NOSTRIN: variants seen among roughly 807,000 people sequenced by gnomAD.
NOSTRIN encodes the protein nitric oxide synthase trafficking, also known as BM247 homolog.
NOSTRIN carries 63 observed loss-of-function variants against 59.0 expected under a neutral mutation model. That is an observed-to-expected ratio of 1.07 (90% CI 0.87 to 1.32). The LOEUF (loss-of-function observed/expected upper bound fraction) is 1.32. NOSTRIN is among the 40% of genes most tolerant of loss of function. The pLI, the probability that NOSTRIN is intolerant of heterozygous loss-of-function variation, is 0.00. For missense variants in NOSTRIN, 512 were observed against 473.1 expected (o/e 1.08, Z -0.76); for synonymous variants, 200 against 165.4 (o/e 1.21, Z -1.61).
intron 6 of NOSTRIN, among the ~76,000 whole-genome samples, chr2:168,832,722 T>A (rs750889779): frequency 6.6e-6 from 1 of 152,238 alleles, no homozygotes; most frequent in Non-Finnish European, 1.5e-5. Flanking sequence ...AGAAACAGTA[T>A]CCAGTCATTT....
chr2:168,811,020 G>T (rs1320708434), intron 1 of NOSTRIN, among the ~76,000 whole-genome samples: 1 of 152,162 alleles, frequency 6.6e-6, no homozygotes, highest in East Asian at 1.9e-4. Context: ...TAACCAAAAT[G>T]TTCAACTCAT....
chr2:168,831,093 A>C (rs1397735446), intron 5 of NOSTRIN, among the ~76,000 whole-genome samples: 3 of 152,198 alleles, frequency 2.0e-5, no homozygotes, highest in African/African-American at 7.2e-5. Flanking sequence ...AAAGTACCAT[A>C]AACTGGATAG....
intron 6 of NOSTRIN, among the ~76,000 whole-genome samples, chr2:168,831,941 C>T (rs1687385636): frequency 6.6e-6 from 1 of 152,166 alleles, no homozygotes; most frequent in Non-Finnish European, 1.5e-5. Context: ...TGCTCTTAAT[C>T]ATTCCATTAT....
In NOSTRIN at chr2:168,865,181, T is replaced by A; in HGVS notation, c.*211T>A. 1.8e-6 allele frequency: 1 copy of A among 570,876 alleles called. No homozygotes were observed. The highest frequency in any genetic ancestry group is 2.2e-5 in the South Asian group (1 of 44,568). The allele number at this position is 570,876 out of a possible 1,614,324, so 35.4% of individuals were successfully genotyped here. A position where few individuals can be genotyped will look rare whatever the true frequency, so the allele number is the denominator to read the frequency against. ...GGAGACAGACAAGGAAGAGGCTCCT[T>A]GGTTCCTAGAGGAGTTTCCAAATTC... On this transcript the variant is annotated 3_prime_UTR_variant, in exon 16 of 16. Transcript: ENST00000317647.
In NOSTRIN at chr2:168,821,852, G is replaced by A. The variant is rs964050404; in HGVS notation, c.114-2782G>A. 5.3e-5 allele frequency among the ~76,000 whole-genome samples: 8 copies of A among 152,252 alleles called. No homozygotes were observed. In the South Asian group the frequency reaches 1.0e-3, roughly 20 times the overall value. On this transcript the variant is annotated intron_variant, in intron 2 of 15. Coordinates refer to ENST00000317647, the MANE Select transcript of NOSTRIN (RefSeq NM_001039724.4). ...GTGGTGCCTGGCAGGAAGGGAAATC[G>A]GAGAGGCTGCCGGAGTCAGATCATG...
rs756381301 is a variant in NOSTRIN, at chr2:168,834,507, G to GCGCGCACACACACA, written c.504+183_504+184insGCGCACACACACAC. ...TACTGGCGTGCGCGCGCGCGCGCGC[G>GCGCGCACACACACA]CACACACACACACACACACACACAC... On this transcript the variant is annotated intron_variant, in intron 7 of 15. Transcript: ENST00000317647. Among the ~76,000 whole-genome samples, 744 of 125,358 alleles carry GCGCGCACACACACA rather than the reference G, an allele frequency of 5.9e-3. 1 individual carries two copies. The highest frequency in any genetic ancestry group is 8.1e-3 in the East Asian group (34 of 4,202). 82.2% of individuals were successfully genotyped at this position (125,358 alleles called of 152,430 possible). A position where few individuals can be genotyped will look rare whatever the true frequency, so the allele number is the denominator to read the frequency against.
intron 6 of NOSTRIN, among the ~76,000 whole-genome samples, chr2:168,833,047 C>T (rs547446086): frequency 1.3e-5 from 2 of 152,280 alleles, no homozygotes; most frequent in Admixed American, 6.5e-5. Flanking sequence ...GAAAAAACAT[C>T]TTTTATCATT....
At chr2:168,834,530 CACACACACACA>C in intron 7 of NOSTRIN, among the ~76,000 whole-genome samples, 1 of 151,132 alleles carries the variant, frequency 6.6e-6, no homozygotes, top group East Asian at 2.0e-4. Flanking sequence ...CACACACACA[CACACACACACA>C]CCACATACAT....
intron 8 of NOSTRIN, among the ~76,000 whole-genome samples, chr2:168,845,783 TTTC>T (rs1359412327): frequency 9.7e-6 from 1 of 102,720 alleles, no homozygotes; most frequent in Admixed American, 9.9e-5. Context: ...TTTTAGTTTT[TTTC>T]TTCCTTTTTT....
chr2:168,844,749 T>A (rs1688308017), intron 8 of NOSTRIN, among the ~76,000 whole-genome samples: 1 of 152,022 alleles, frequency 6.6e-6, no homozygotes, highest in Admixed American at 6.6e-5. Context: ...GGGCGCCTGT[T>A]GTCCCAGCTA....
rs946020503 is a variant in NOSTRIN at position 168,856,732 on chromosome 2, T to A, written c.1007T>A (p.Phe336Tyr). The change falls in exon 12 of 16, where the codon TTC becomes TAC. Residue 336 changes from phenylalanine to tyrosine, a missense_variant. Coordinates refer to ENST00000317647, the MANE Select transcript of NOSTRIN (RefSeq NM_001039724.4). ...MLKTYSSTSS[F>Y]SDAKSQKDTA... ...AAAACGTACTCCAGCACCTCCTCCTTCTCTGATGCAAAGAGCCAGAAAGAC... is the reference window on the plus strand; with the variant it reads ...AAAACGTACTCCAGCACCTCCTCCTACTCTGATGCAAAGAGCCAGAAAGAC... 5.0e-6 allele frequency: 8 copies of A among 1,614,002 alleles called. No individual in the cohort carries two copies. In the African/African-American group the frequency reaches 1.1e-4, roughly 22 times the overall value.
At chr2:168,815,088 G>A (rs1434049459) in intron 2 of NOSTRIN, among the ~76,000 whole-genome samples, 1 of 152,132 alleles carries the variant, frequency 6.6e-6, no homozygotes, top group East Asian at 1.9e-4. Flanking sequence ...GATACCAGAG[G>A]CAGCACCACA....
In NOSTRIN at chr2:168,831,460, C is replaced by CT; in HGVS notation, c.343-7dup. On this transcript the variant is annotated splice_polypyrimidine_tract_variant and intron_variant, in intron 5 of 15. Coordinates refer to ENST00000317647, the MANE Select transcript of NOSTRIN (RefSeq NM_001039724.4). ...AAAGCAAAGCTTTGTTTCCTTTTTC[C>CT]TTTTTCAATAGCTTGACAATGAAGT... The CT allele has an allele frequency of 1.2e-6, 1 of 860,022 alleles. No homozygotes were observed. Among genetic ancestry groups the CT allele is most frequent in the Non-Finnish European group, 2.0e-6 (1 of 491,772 alleles). 53.3% of individuals were successfully genotyped at this position (860,022 alleles called of 1,614,324 possible).
chr2:168,803,690 T>A (rs887400248), intron 1 of NOSTRIN, among the ~76,000 whole-genome samples: 1 of 152,228 alleles, frequency 6.6e-6, no homozygotes, highest in Non-Finnish European at 1.5e-5. Context: ...TAGCCAATTC[T>A]GCCTAATTTT....
At chr2:168,848,308 C>T (rs1299808098) in intron 8 of NOSTRIN, among the ~76,000 whole-genome samples, 1 of 152,228 alleles carries the variant, frequency 6.6e-6, no homozygotes, top group Non-Finnish European at 1.5e-5. Context: ...CTGGTGCCTG[C>T]AATTTTGTGA....
intron 2 of NOSTRIN, 39 bp downstream of exon 2, chr2:168,811,691 T>C: frequency 2.5e-6 from 2 of 784,606 alleles, no homozygotes; most frequent in South Asian, 1.5e-5. Flanking sequence ...TTCTTCCTCT[T>C]TAGTTGTAGC....
upstream of NOSTRIN, among the ~76,000 whole-genome samples, chr2:168,798,728 C>G (rs1173786862): frequency 6.6e-6 from 1 of 152,090 alleles, no homozygotes; most frequent in Non-Finnish European, 1.5e-5. Flanking sequence ...ACAGAGAACT[C>G]AAAAGGACTC....
chr2:168,826,911 C>T (rs750923479), intron 3 of NOSTRIN, among the ~76,000 whole-genome samples: 23 of 152,190 alleles, frequency 1.5e-4, no homozygotes, highest in Non-Finnish European at 2.1e-4. Flanking sequence ...CAACCACTGA[C>T]CTGCTTCCTG....
At chr2:168,814,102 T>TAATCTATG (rs1308012743) in intron 2 of NOSTRIN, among the ~76,000 whole-genome samples, 1 of 152,232 alleles carries the variant, frequency 6.6e-6, no homozygotes, top group Non-Finnish European at 1.5e-5. Context: ...AATATTCTAT[T>TAATCTATG]AATCTATGAA....
Sources: allele counts gnomAD v4.1 joint callset (sites outside exome capture counted in the v4.1 genomes callset), GRCh38; gene constraint gnomAD v4.1.1; transcripts MANE v1.5; gene names NCBI Gene and HGNC (gene_info 2026-07-23, HGNC 2026-07-21).